The following TMEM181 variants were observed in gnomAD, a reference collection of about 807,000 sequenced individuals.
TMEM181 encodes transmembrane protein 181, also known as G protein-coupled receptor 178.
Under a neutral mutation model 71.9 loss-of-function variants are expected in TMEM181, and 39 were observed. The observed-to-expected ratio is 0.54, with a 90% CI of 0.42 to 0.71. TMEM181 has a LOEUF of 0.71. Among genes scored for constraint, TMEM181 ranks in the 30% least tolerant of loss-of-function variants. The pLI is 0.00. For missense variants in TMEM181, 595 were observed against 583.0 expected, an observed-to-expected ratio of 1.02 and a Z score of -0.21; for synonymous variants, 245 against 228.8, an observed-to-expected ratio of 1.07 and a Z score of -0.64.
At chr6:158,597,978 C>T (rs1413292314) in intron 6 of TMEM181, among the ~76,000 whole-genome samples, 1 of 152,176 alleles carries the variant, frequency 6.6e-6, no homozygotes, top group African/African-American at 2.4e-5. Flanking sequence ...TTCTCTGTAT[C>T]CCTCTTGTAT....
chr6:158,536,979 G>T (rs987345480), intron 1 of TMEM181: 113 of 750,338 alleles, frequency 1.5e-4, no homozygotes, highest in Non-Finnish European at 1.8e-4. Context: ...CGCCTCCGCC[G>T]GCCGGGCGCG....
At chr6:158,630,933 C>T (rs977027067) in intron 15 of TMEM181, among the ~76,000 whole-genome samples, 1 of 152,168 alleles carries the variant, frequency 6.6e-6, no homozygotes, top group South Asian at 2.1e-4. Flanking sequence ...TAATCATGCC[C>T]GTTTTACAGA....
At chr6:158,539,744 G>A (rs1254091480) in intron 1 of TMEM181, among the ~76,000 whole-genome samples, 3 of 152,254 alleles carry the variant, frequency 2.0e-5, no homozygotes, top group African/African-American at 7.2e-5. Flanking sequence ...GGTGACAGTT[G>A]TACTGCCTGT....
At chr6:158,601,886 C>G (rs1784690475) in intron 6 of TMEM181, among the ~76,000 whole-genome samples, 1 of 152,114 alleles carries the variant, frequency 6.6e-6, no homozygotes, top group African/African-American at 2.4e-5. Flanking sequence ...CTATTAATGG[C>G]AGGAGCTGGA....
intron 3 of TMEM181, 74 bp from the exon 4 acceptor site, chr6:158,583,880 T>G: frequency 9.4e-7 from 1 of 1,062,606 alleles, no homozygotes; most frequent in Non-Finnish European, 1.4e-6. Context: ...GTAAACTTTG[T>G]GTGTTAAAAC....
At position 158,620,630 on chromosome 6, in the gene TMEM181, G is replaced by A. The variant is rs145729431; in HGVS notation, c.897-2920G>A. On this transcript the variant is annotated intron_variant, in intron 10 of 16. Transcript: ENST00000684151. The surrounding 1 kb of genome is among the most constrained non-coding windows in gnomAD (Gnocchi z 4.5). ...GAGAGCCCACTGGGGAGTAGCCCCCGCCCGAGCCTCGCAGTCCCCTTCAGA... is the reference window on the plus strand; with the variant it reads ...GAGAGCCCACTGGGGAGTAGCCCCCACCCGAGCCTCGCAGTCCCCTTCAGA... 2.8e-4 allele frequency among the ~76,000 whole-genome samples: 43 copies of A among 152,190 alleles called. No homozygotes were observed. The East Asian group carries it at 5.6e-3, about 20-fold the overall frequency.
chr6:158,596,144 TCTC>T (rs1223773766), intron 6 of TMEM181, among the ~76,000 whole-genome samples: 1 of 152,090 alleles, frequency 6.6e-6, no homozygotes, highest in Non-Finnish European at 1.5e-5. Flanking sequence ...ATGGTCTTGA[TCTC>T]CTGACCTCAT....
chr6:158,588,888 G>A (rs1432491697), intron 5 of TMEM181, among the ~76,000 whole-genome samples: 2 of 152,242 alleles, frequency 1.3e-5, no homozygotes, highest in Non-Finnish European at 2.9e-5. Context: ...CTGGGCAGCA[G>A]CAGGATGGTG....
chr6:158,562,358 C>T (rs1187296406), intron 1 of TMEM181, among the ~76,000 whole-genome samples: 1 of 152,076 alleles, frequency 6.6e-6, no homozygotes, highest in South Asian at 2.1e-4. Flanking sequence ...GTTTGAGCTA[C>T]AGGGCTGCAC....
At chr6:158,548,833 A>G (rs1781627714) in intron 1 of TMEM181, among the ~76,000 whole-genome samples, 1 of 152,222 alleles carries the variant, frequency 6.6e-6, no homozygotes, top group African/African-American at 2.4e-5. Context: ...AACATTGAAA[A>G]TAAAATACGT....
At chr6:158,588,519 G>A (rs192991427) in intron 5 of TMEM181, among the ~76,000 whole-genome samples, 117 of 152,244 alleles carry the variant, frequency 7.7e-4, no homozygotes, top group African/African-American at 2.6e-3. Context: ...GCGTGATCTT[G>A]GCCCACTGCA....
At chr6:158,623,013 C>T (rs930651440) in intron 10 of TMEM181, among the ~76,000 whole-genome samples, 11 of 152,206 alleles carry the variant, frequency 7.2e-5, no homozygotes, top group African/African-American at 2.2e-4. Context: ...AGGACTTTCA[C>T]GGAGTAGCTC....
intron 10 of TMEM181, among the ~76,000 whole-genome samples, chr6:158,615,897 ATAGTT>A (rs1785584126): frequency 6.6e-6 from 1 of 152,144 alleles, no homozygotes; most frequent in Non-Finnish European, 1.5e-5. Flanking sequence ...GCCTTGTAGT[ATAGTT>A]TAAAGTCAGG....
upstream of TMEM181, among the ~76,000 whole-genome samples, chr6:158,559,452 T>C (rs758672153): frequency 5.9e-5 from 9 of 152,208 alleles, no homozygotes; most frequent in Non-Finnish European, 1.3e-4. Context: ...ACACGGGACA[T>C]TTTGAGTAAT....
intron 1 of TMEM181, among the ~76,000 whole-genome samples, chr6:158,544,182 A>AGAGAGAGT (rs149735409): frequency 5.5e-5 from 7 of 127,646 alleles, no homozygotes; most frequent in African/African-American, 1.8e-4. Context: ...AATTGGAGAG[A>AGAGAGAGT]GTGTGTGTGT....
intron 1 of TMEM181, among the ~76,000 whole-genome samples, chr6:158,542,776 T>C (rs562921338): frequency 7.2e-5 from 11 of 151,852 alleles, no homozygotes; most frequent in African/African-American, 2.7e-4. Context: ...GGCTAATTTT[T>C]GTATTTTTAG....
At chr6:158,564,716 T>C (rs1782388363) in intron 1 of TMEM181, among the ~76,000 whole-genome samples, 1 of 152,178 alleles carries the variant, frequency 6.6e-6, no homozygotes, top group African/African-American at 2.4e-5. Context: ...ATGAGGAAAC[T>C]GAGGGTCTGG....
At chr6:158,545,709 C>T (rs1188191017) in intron 1 of TMEM181, among the ~76,000 whole-genome samples, 1 of 151,094 alleles carries the variant, frequency 6.6e-6, no homozygotes, top group Non-Finnish European at 1.5e-5. Flanking sequence ...GAGATGGGGT[C>T]TCACTACGTT....
At chr6:158,622,481 G>A in intron 10 of TMEM181, among the ~76,000 whole-genome samples, 1 of 152,166 alleles carries the variant, frequency 6.6e-6, no homozygotes, top group South Asian at 2.1e-4. Flanking sequence ...ACTGACGGGC[G>A]AGCCACGTTT....
Sources: allele counts gnomAD v4.1 joint callset (sites outside exome capture counted in the v4.1 genomes callset), GRCh38; gene constraint gnomAD v4.1.1; non-coding constraint Gnocchi (gnomAD v3.1); transcripts MANE v1.5; gene names NCBI Gene and HGNC (gene_info 2026-07-23, HGNC 2026-07-21).